EPHA3: variants seen among roughly 807,000 people sequenced by gnomAD.
EPHA3 encodes the protein ephrin type-A receptor 3.
In EPHA3, 42 loss-of-function variants were observed where a neutral mutation model predicts 107.1. The observed-to-expected ratio is 0.39, with a 90% confidence interval of 0.31 to 0.51. The LOEUF is 0.51. Among genes scored for constraint, EPHA3 ranks in the 20% least tolerant of loss-of-function variants. The pLI is 0.78. For synonymous variants in EPHA3, 461 were observed against 424.8 expected, an observed-to-expected ratio of 1.09 and a Z score of -1.05; for missense variants, 1,183 against 1,211.2, an observed-to-expected ratio of 0.98 and a Z score of 0.35.
At chr3:89,269,297 G>A (rs1388360666) in intron 3 of EPHA3, among the ~76,000 whole-genome samples, 1 of 152,056 alleles carries the variant, frequency 6.6e-6, no homozygotes, top group African/African-American at 2.4e-5. Flanking sequence ...GCAGTGACTT[G>A]GAACATTAGT....
In EPHA3 at chr3:89,354,943, G is replaced by A. The variant is rs532396804; in HGVS notation, c.1306+12853G>A. Among the ~76,000 whole-genome samples the A allele has an allele frequency of 2.0e-5, 3 of 150,958 alleles. 1 individual carries two copies. The highest frequency in any genetic ancestry group is 4.4e-5 in the Non-Finnish European group (3 of 67,470). On this transcript the variant is annotated intron_variant, in intron 5 of 16. Coordinates refer to ENST00000336596, the MANE Select transcript of EPHA3 (RefSeq NM_005233.6). ...ATTTTATTATAGTAAAATCTTGACTGCCTGGTACACAGGTGGTGTGATTTC... is the reference window on the plus strand; with the variant it reads ...ATTTTATTATAGTAAAATCTTGACTACCTGGTACACAGGTGGTGTGATTTC...
intron 5 of EPHA3, 92 bp downstream of exon 5, chr3:89,342,182 A>T: frequency 8.8e-7 from 1 of 1,141,182 alleles, no homozygotes; most frequent in Non-Finnish European, 1.2e-6. Context: ...AAGGAAAAAA[A>T]GATTTTATAG....
At chr3:89,429,083 T>C (rs1709510720) in intron 11 of EPHA3, 23 bp from the exon 12 acceptor site, 2 of 1,516,982 alleles carry the variant, frequency 1.3e-6, no homozygotes, top group Non-Finnish European at 9.1e-7. Flanking sequence ...CTGATTATTA[T>C]TTATTATTTA....
intron 3 of EPHA3, among the ~76,000 whole-genome samples, chr3:89,308,571 G>T (rs1234375134): frequency 6.6e-6 from 1 of 151,452 alleles, no homozygotes; most frequent in Non-Finnish European, 1.5e-5. Context: ...CTAAAAAGGG[G>T]ACACATTATT....
chr3:89,302,645 CAT>C (rs1298572919), intron 3 of EPHA3, among the ~76,000 whole-genome samples: 1 of 152,100 alleles, frequency 6.6e-6, no homozygotes. Flanking sequence ...CTTCTCTCCA[CAT>C]GTTTTAAGAT....
At chr3:89,357,880 C>T (rs1239615349) in intron 5 of EPHA3, among the ~76,000 whole-genome samples, 1 of 151,110 alleles carries the variant, frequency 6.6e-6, no homozygotes, top group Non-Finnish European at 1.5e-5. Flanking sequence ...CATCCATCTT[C>T]CCTGAGGTAT....
intron 15 of EPHA3, among the ~76,000 whole-genome samples, chr3:89,468,311 G>A (rs578116832): frequency 1.3e-5 from 2 of 151,644 alleles, no homozygotes; most frequent in Admixed American, 6.6e-5. Context: ...AAACTCAGTT[G>A]GGGTCACTAA....
At chr3:89,116,403 C>T (rs1053622134) in intron 1 of EPHA3, among the ~76,000 whole-genome samples, 2 of 151,726 alleles carry the variant, frequency 1.3e-5, no homozygotes, top group East Asian at 1.9e-4. Context: ...AATTTCCCCC[C>T]GTTTAAAATA....
At chr3:89,229,759 G>A (rs916539307) in intron 3 of EPHA3, among the ~76,000 whole-genome samples, 10 of 151,718 alleles carry the variant, frequency 6.6e-5, no homozygotes, top group Non-Finnish European at 1.0e-4. Flanking sequence ...TTTAAATGGC[G>A]AGTTAATTGG....
At chr3:89,235,482 C>T (rs1576253351) in intron 3 of EPHA3, among the ~76,000 whole-genome samples, 5 of 152,164 alleles carry the variant, frequency 3.3e-5, no homozygotes, top group South Asian at 2.1e-4. Flanking sequence ...CAGAAAAACT[C>T]TCATTCCTGA....
intron 6 of EPHA3, 29 bp from the exon 7 acceptor site, chr3:89,399,289 A>G (rs1454254991): frequency 6.3e-7 from 1 of 1,580,756 alleles, no homozygotes; most frequent in East Asian, 2.3e-5. Context: ...ATTTGATTTT[A>G]ACATGAATTT....
At position 89,154,260 on chromosome 3, in the gene EPHA3, GTTT is replaced by G. The variant is rs372456096; in HGVS notation, c.153+26990_153+26992del. 4.5e-3 allele frequency among the ~76,000 whole-genome samples: 675 copies of G among 149,730 alleles called. 4 individuals are homozygous for G. The highest frequency in any genetic ancestry group is 0.016 in the African/African-American group (636 of 40,990). On this transcript the variant is annotated intron_variant, in intron 2 of 16. Coordinates refer to ENST00000336596, the MANE Select transcript of EPHA3 (RefSeq NM_005233.6). ...AGTTTTGGGCTTCCTTGTTTTTTGG[GTTT>G]TTGTTTGTTTTTTTTTTTTTTTATT... is the stretch of plus-strand genomic sequence containing the variant.
chr3:89,189,995 G>C (rs758821684), intron 2 of EPHA3, among the ~76,000 whole-genome samples: 11 of 152,066 alleles, frequency 7.2e-5, no homozygotes, highest in Non-Finnish European at 1.2e-4. Context: ...CTGAAAACAG[G>C]TACCTCGTTC....
chr3:89,262,070 G>GA (rs1319934759), intron 3 of EPHA3, among the ~76,000 whole-genome samples: 3 of 151,826 alleles, frequency 2.0e-5, no homozygotes, highest in African/African-American at 7.3e-5. Context: ...GTTTTCACTG[G>GA]AAAGAACCCA....
chr3:89,177,522 C>G (rs933290560), intron 2 of EPHA3, among the ~76,000 whole-genome samples: 42 of 152,222 alleles, frequency 2.8e-4, no homozygotes, highest in Admixed American at 2.6e-3. Context: ...TGACAGCACA[C>G]GGCAGATGTG....
chr3:89,148,159 T>C (rs749067893), intron 2 of EPHA3, among the ~76,000 whole-genome samples: 4 of 151,966 alleles, frequency 2.6e-5, no homozygotes, highest in Non-Finnish European at 5.9e-5. Flanking sequence ...GTGTGGGCAT[T>C]TGTGCATGTG....
chr3:89,460,192 T>C (rs888646177), intron 15 of EPHA3, among the ~76,000 whole-genome samples: 1 of 152,102 alleles, frequency 6.6e-6, no homozygotes, highest in African/African-American at 2.4e-5. Context: ...TAAAATGAAA[T>C]AGAGAAATAA....
chr3:89,234,624 C>G (rs1704709300), intron 3 of EPHA3, among the ~76,000 whole-genome samples: 1 of 152,074 alleles, frequency 6.6e-6, no homozygotes, highest in South Asian at 2.1e-4. Flanking sequence ...GATTATGAGG[C>G]TTTCCATCAT....
intron 1 of EPHA3, among the ~76,000 whole-genome samples, chr3:89,115,750 A>G (rs1409456517): frequency 6.6e-6 from 1 of 152,204 alleles, no homozygotes; most frequent in Non-Finnish European, 1.5e-5. Context: ...CATTGTTACA[A>G]CTGAGGAAAC....
Sources: allele counts gnomAD v4.1 joint callset (sites outside exome capture counted in the v4.1 genomes callset), GRCh38; gene constraint gnomAD v4.1.1; transcripts MANE v1.5; gene names NCBI Gene and HGNC (gene_info 2026-07-23, HGNC 2026-07-21).